The following FRAS1 variants were observed in gnomAD, a reference collection of about 807,000 sequenced individuals.
FRAS1 encodes the protein Fraser extracellular matrix complex subunit 1, also known as extracellular matrix organizing protein FRAS1.
A neutral mutation model predicts 435.2 loss-of-function variants in FRAS1; 290 were observed. That is an observed-to-expected ratio of 0.67 (90% CI 0.61 to 0.73). FRAS1 has a LOEUF of 0.73. Ranked by LOEUF, FRAS1 falls within the 30% of genes least tolerant of loss-of-function variation. FRAS1 has a pLI of 0.00. For missense variants in FRAS1, 4,860 were observed against 5,001.5 expected, an observed-to-expected ratio of 0.97 and a Z score of 0.85; for synonymous variants, 1,800 against 1,851.0, an observed-to-expected ratio of 0.97 and a Z score of 0.71.
chr4:78,131,973 C>T (rs1016712840), intron 2 of FRAS1, among the ~76,000 whole-genome samples: 24 of 152,286 alleles, frequency 1.6e-4, no homozygotes, highest in African/African-American at 4.3e-4. Context: ...TAGTTTGTTT[C>T]ATTAAATGAA....
intron 6 of FRAS1, among the ~76,000 whole-genome samples, chr4:78,259,498 A>G (rs1244709075): frequency 6.6e-6 from 1 of 151,710 alleles, no homozygotes; most frequent in East Asian, 1.9e-4. Context: ...GGCTGCATAA[A>G]TGTCTTCTTT....
chr4:78,070,809 G>C (rs2109858403), intron 2 of FRAS1: 1 of 152,254 alleles, frequency 6.6e-6, no homozygotes. Context: ...TTCTTCCTGG[G>C]ATCAATGACT....
In FRAS1 at chr4:78,175,183, G is replaced by A. The variant is rs570562094; in HGVS notation, c.109-62327G>A. ...CCTGGAGGCTACTTTTTGTTGGGGC[G>A]GGGAGCAAGATTTACATTTGGGCTC... On this transcript the variant is annotated intron_variant, in intron 2 of 73. Transcript: ENST00000512123. Among the ~76,000 whole-genome samples the A allele has an allele frequency of 5.9e-5, 9 of 152,306 alleles. No individual in the cohort carries two copies. In the South Asian group the frequency reaches 1.7e-3, roughly 28 times the overall value.
intron 68 of FRAS1, among the ~76,000 whole-genome samples, chr4:78,522,349 C>G (rs1721408955): frequency 6.6e-6 from 1 of 152,140 alleles, no homozygotes; most frequent in Non-Finnish European, 1.5e-5. Flanking sequence ...TTCATTGTCA[C>G]ATAAAGACCC....
intron 43 of FRAS1, 104 bp from the exon 44 acceptor site, chr4:78,447,949 A>G (rs1718904099): frequency 3.7e-6 from 4 of 1,095,862 alleles, no homozygotes; most frequent in Admixed American, 5.7e-5. Flanking sequence ...GGCACTTGAC[A>G]TTCTACCCAG....
intron 35 of FRAS1, among the ~76,000 whole-genome samples, chr4:78,428,040 A>G (rs1328698562): frequency 6.6e-6 from 1 of 152,244 alleles, no homozygotes; most frequent in Non-Finnish European, 1.5e-5. Context: ...TGAGCTGATG[A>G]TGCAAATATC....
intron 16 of FRAS1, 138 bp downstream of exon 16, chr4:78,315,872 A>C: frequency 1.1e-6 from 1 of 941,018 alleles, no homozygotes; most frequent in Non-Finnish European, 1.6e-6. Context: ...TTTTTTCATT[A>C]TGAAGCCAAT....
intron 28 of FRAS1, among the ~76,000 whole-genome samples, chr4:78,384,907 C>CAAAAA (rs11315732): frequency 9.8e-6 from 1 of 101,772 alleles, no homozygotes; most frequent in African/African-American, 4.3e-5. Flanking sequence ...GACCCTGTCT[C>CAAAAA]AAAAAAAAAA....
At chr4:78,514,099 C>T (rs1031077077) in intron 65 of FRAS1, among the ~76,000 whole-genome samples, 3 of 152,214 alleles carry the variant, frequency 2.0e-5, no homozygotes, top group Admixed American at 6.5e-5. Context: ...AGGGAGAAGT[C>T]AAGCTGCAAT....
At position 78,445,635 on chromosome 4, in the gene FRAS1, A is replaced by G. The variant is rs1465945706; in HGVS notation, c.5779A>G (p.Thr1927Ala). 2 of 1,613,812 alleles carry G rather than the reference A, an allele frequency of 1.2e-6. No homozygotes were observed. Among genetic ancestry groups the G allele is most frequent in the South Asian group, 2.2e-5 (2 of 91,076 alleles). Residue 1927 changes from threonine to alanine, a missense_variant, in exon 42 of 74, where the codon ACC (threonine) becomes GCC (alanine). Transcript: ENST00000512123. ...FQSVHESIEP[T>A]HDIFSFYVSD... ...GAGTGTTCATGAAAGCATTGAGCCA[A>G]CCCATGATATTTTTAGTTTTTATGT...
chr4:78,499,593 C>T lies in FRAS1; in HGVS notation c.9116-128C>T, dbSNP rs1578359890. The T allele has an allele frequency of 4.1e-6, 3 of 733,304 alleles. No homozygotes were observed. The East Asian group carries it at 7.8e-5, about 19-fold the overall frequency. The allele number at this position is 733,304 out of a possible 1,614,324, so 45.4% of individuals were successfully genotyped here. A position where few individuals can be genotyped will look rare whatever the true frequency, so the allele number is the denominator to read the frequency against. ...ACTGATTGAGTTTTATGACTGCAAG[C>T]CATTTTGCCTTCATACTGTTAACTA... is the stretch of plus-strand genomic sequence containing the variant. On this transcript the variant is annotated intron_variant, in intron 60 of 73. Transcript: ENST00000512123.
chr4:78,199,053 G>GTCCCTC (rs1239303511), intron 2 of FRAS1, among the ~76,000 whole-genome samples: 1 of 152,196 alleles, frequency 6.6e-6, no homozygotes, highest in Admixed American at 6.5e-5. Flanking sequence ...CCTAACTGCT[G>GTCCCTC]TGTTGTTCGA....
chr4:78,419,296 C>T (rs11727944), intron 33 of FRAS1, among the ~76,000 whole-genome samples: 36,551 of 152,128 alleles, frequency 0.24, 4,720 homozygotes, highest in African/African-American at 0.32. Context: ...ACTGACATAG[C>T]ATAGCATGCT....
chr4:78,407,742 T>C lies in FRAS1; in HGVS notation c.4209T>C (p.Ala1403=). 1 of 1,613,842 alleles carries C rather than the reference T, an allele frequency of 6.2e-7. No homozygotes were observed. The highest frequency in any genetic ancestry group is 8.5e-7 in the Non-Finnish European group (1 of 1,179,820). Residue 1403 remains alanine (A), a synonymous_variant, in exon 31 of 74, where the codon GCT becomes GCC. Coordinates refer to ENST00000512123, the MANE Select transcript of FRAS1 (RefSeq NM_025074.7). The part of the protein sequence containing the change: ...EGQHLPDGRT[A]TPTSTFTQQD... ...AGCACCTGCCTGATGGGAGGACAGC[T>C]ACCCCCACCAGCACCTTCACCCAGC...
At chr4:78,466,491 C>CA (rs1719533923) in intron 50 of FRAS1, 56 bp downstream of exon 50, 1 of 1,302,254 alleles carries the variant, frequency 7.7e-7, no homozygotes, top group African/African-American at 1.5e-5. Flanking sequence ...AGAGGCAGAA[C>CA]ATGGAGTTTT....
intron 58 of FRAS1, 61 bp from the exon 59 acceptor site, chr4:78,488,814 A>G (rs1180951470): frequency 1.2e-5 from 18 of 1,493,486 alleles, no homozygotes; most frequent in African/African-American, 4.1e-5. Flanking sequence ...GACAAGGACC[A>G]TGGCCACAGC....
intron 2 of FRAS1, among the ~76,000 whole-genome samples, chr4:78,218,633 T>G (rs963715559): frequency 1.3e-5 from 2 of 152,228 alleles, no homozygotes; most frequent in African/African-American, 4.8e-5. Flanking sequence ...ACTGTCATTC[T>G]GGCCCTACTC....
intron 2 of FRAS1, among the ~76,000 whole-genome samples, chr4:78,177,341 C>A (rs1721819424): frequency 6.6e-6 from 1 of 152,132 alleles, no homozygotes; most frequent in Non-Finnish European, 1.5e-5. Flanking sequence ...TTATGTTATT[C>A]TAAATGGTAT....
intron 40 of FRAS1, among the ~76,000 whole-genome samples, chr4:78,439,486 A>G (rs2109824022): frequency 6.6e-6 from 1 of 152,336 alleles, no homozygotes; most frequent in East Asian, 1.9e-4. Context: ...GCAGAGCAAT[A>G]CAATGCATTC....
Sources: allele counts gnomAD v4.1 joint callset (sites outside exome capture counted in the v4.1 genomes callset), GRCh38; gene constraint gnomAD v4.1.1; transcripts MANE v1.5; gene names NCBI Gene and HGNC (gene_info 2026-07-23, HGNC 2026-07-21).